The following MDGA2 variants were observed in gnomAD, a reference collection of about 807,000 sequenced individuals.
MDGA2 encodes the protein MAM domain containing glycosylphosphatidylinositol anchor 2.
MDGA2 carries 40 observed loss-of-function variants against 117.8 expected under a neutral mutation model. The observed-to-expected ratio is 0.34, with a 90% confidence interval of 0.26 to 0.44. MDGA2 has a LOEUF of 0.44. Ranked by LOEUF, MDGA2 falls within the 20% of genes least tolerant of loss-of-function variation. MDGA2 has a pLI of 1.00. For missense variants in MDGA2, 1,123 were observed against 1,250.6 expected (o/e 0.90, Z 1.54); for synonymous variants, 452 against 439.0 (o/e 1.03, Z -0.37).
chr14:47,193,175 C>A (rs1001481426), intron 3 of MDGA2, among the ~76,000 whole-genome samples: 47 of 152,190 alleles, frequency 3.1e-4, no homozygotes, highest in African/African-American at 1.1e-3. Flanking sequence ...TCGAATGCAA[C>A]TTTATTTATC....
At chr14:46,882,960 T>C (rs1456968531) in intron 10 of MDGA2, among the ~76,000 whole-genome samples, 2 of 151,928 alleles carry the variant, frequency 1.3e-5, no homozygotes, top group African/African-American at 4.8e-5. Context: ...GATTGTAATA[T>C]GTTAAAAGAA....
intron 5 of MDGA2, among the ~76,000 whole-genome samples, chr14:47,122,530 G>C (rs1241966252): frequency 6.6e-6 from 1 of 151,978 alleles, no homozygotes; most frequent in Non-Finnish European, 1.5e-5. Context: ...TATTCGGAGT[G>C]AATAAGTAAT....
chr14:47,511,193 A>G (rs1233114933), intron 1 of MDGA2, among the ~76,000 whole-genome samples: 2 of 152,166 alleles, frequency 1.3e-5, no homozygotes, highest in Admixed American at 6.5e-5. Flanking sequence ...ACCTTACTAT[A>G]ATGAATTAAT....
intron 10 of MDGA2, among the ~76,000 whole-genome samples, chr14:46,900,080 C>G (rs1411157775): frequency 6.6e-6 from 1 of 152,028 alleles, no homozygotes; most frequent in African/African-American, 2.4e-5. Context: ...AGACATTTCT[C>G]TGAAGAAGAT....
At chr14:47,418,679 G>A (rs563199256) in intron 1 of MDGA2, among the ~76,000 whole-genome samples, 1 of 152,216 alleles carries the variant, frequency 6.6e-6, no homozygotes, top group South Asian at 2.1e-4. Context: ...CCAGACCATA[G>A]CACATGGTTT....
intron 7 of MDGA2, chr14:47,058,905 T>C: frequency 1.0e-6 from 1 of 976,112 alleles, no homozygotes; most frequent in Non-Finnish European, 1.2e-6. Flanking sequence ...CTTTAATGCT[T>C]TGATGTTGCC....
intron 1 of MDGA2, among the ~76,000 whole-genome samples, chr14:47,453,850 A>G (rs1893290215): frequency 6.6e-6 from 1 of 152,120 alleles, no homozygotes; most frequent in African/African-American, 2.4e-5. Flanking sequence ...ATGAGATCTG[A>G]TTTTGGGTGA....
intron 5 of MDGA2, among the ~76,000 whole-genome samples, chr14:47,115,039 A>G (rs547594923): frequency 4.3e-4 from 65 of 152,080 alleles, no homozygotes; most frequent in African/African-American, 1.6e-3. Flanking sequence ...GGTATAATGT[A>G]AAACATAAGA....
At chr14:47,605,682 CT>C (rs1435176322) in intron 1 of MDGA2, among the ~76,000 whole-genome samples, 1 of 152,122 alleles carries the variant, frequency 6.6e-6, no homozygotes, top group Admixed American at 6.6e-5. Context: ...CTCAAAATCA[CT>C]TTAAGTTCTG....
chr14:47,453,891 C>T (rs372402067), intron 1 of MDGA2, among the ~76,000 whole-genome samples: 3 of 152,238 alleles, frequency 2.0e-5, no homozygotes, highest in Non-Finnish European at 4.4e-5. Flanking sequence ...CAGTGAGTTC[C>T]ATGAACTAGA....
At chr14:47,268,166 T>C (rs1888027323) in intron 2 of MDGA2, among the ~76,000 whole-genome samples, 1 of 151,518 alleles carries the variant, frequency 6.6e-6, no homozygotes, top group Admixed American at 6.6e-5. Context: ...TCCGCCTCCC[T>C]GGTTCAAGCC....
intron 1 of MDGA2, among the ~76,000 whole-genome samples, chr14:47,311,422 C>T (rs1342229875): frequency 6.6e-6 from 1 of 152,122 alleles, no homozygotes; most frequent in Non-Finnish European, 1.5e-5. Context: ...AATGTCCCCA[C>T]TGTTTCTCTC....
At position 47,658,575 on chromosome 14, in the gene MDGA2, G is replaced by A. The variant is rs149860826; in HGVS notation, c.280+15942C>T. ...TTAAGATAAAAGGCCAGCTCCTGGAGGGCCAGTTCTCAAACAGGATAAGCA... is the reference window on the plus strand; with the variant it reads ...TTAAGATAAAAGGCCAGCTCCTGGAAGGCCAGTTCTCAAACAGGATAAGCA... On this transcript the variant is annotated intron_variant, in intron 1 of 16. Transcript: ENST00000399232. Among the ~76,000 whole-genome samples, 940 of 152,210 alleles carry A rather than the reference G, an allele frequency of 6.2e-3. 12 individuals carry two copies. The highest frequency in any genetic ancestry group is 0.021 in the African/African-American group (891 of 41,532).
At chr14:47,641,092 C>T (rs1192824708) in intron 1 of MDGA2, among the ~76,000 whole-genome samples, 1 of 151,904 alleles carries the variant, frequency 6.6e-6, no homozygotes, top group Admixed American at 6.6e-5. Flanking sequence ...CATTAAATTA[C>T]TCATTTAATT....
chr14:47,065,650 C>T (rs1471302361), intron 6 of MDGA2, among the ~76,000 whole-genome samples: 2 of 152,046 alleles, frequency 1.3e-5, no homozygotes, highest in African/African-American at 2.4e-5. Flanking sequence ...GTATGCAATA[C>T]ATAGTAATTC....
Position 46,913,149 on chromosome 14 carries a change from A to G in MDGA2, c.2238+6863T>C, listed in dbSNP as rs143144895. ...CAAAGTCAAAATTCAAGTTCTGCCTATTTTAACGTTTTCTTAATTCCATTT... is the reference window on the plus strand; with the variant it reads ...CAAAGTCAAAATTCAAGTTCTGCCTGTTTTAACGTTTTCTTAATTCCATTT... On this transcript the variant is annotated intron_variant, in intron 10 of 16. Transcript: ENST00000399232. Among the ~76,000 whole-genome samples, 60 of 152,256 alleles carry G rather than the reference A, an allele frequency of 3.9e-4. 1 individual carries two copies. In the East Asian group the frequency reaches 0.011, roughly 28 times the overall value.
intron 2 of MDGA2, among the ~76,000 whole-genome samples, chr14:47,263,295 G>T (rs1887859855): frequency 6.6e-6 from 1 of 151,870 alleles, no homozygotes; most frequent in African/African-American, 2.4e-5. Context: ...TTGTTATTTT[G>T]TTTCCACCAC....
At chr14:47,097,157 T>A in intron 5 of MDGA2, 34 bp from the exon 6 acceptor site, 1 of 1,596,374 alleles carries the variant, frequency 6.3e-7, no homozygotes, top group African/African-American at 1.3e-5. Flanking sequence ...GTGCACCTAT[T>A]TAGATATGCT....
chr14:47,603,725 C>T (rs1896689655), intron 1 of MDGA2, among the ~76,000 whole-genome samples: 1 of 152,080 alleles, frequency 6.6e-6, no homozygotes, highest in South Asian at 2.1e-4. Flanking sequence ...TTGGATGTGT[C>T]CCCTCTAAAT....
Sources: allele counts gnomAD v4.1 joint callset (sites outside exome capture counted in the v4.1 genomes callset), GRCh38; gene constraint gnomAD v4.1.1; transcripts MANE v1.5; gene names NCBI Gene and HGNC (gene_info 2026-07-23, HGNC 2026-07-21).